Variants in OSBPL1A observed in about 807,000 individuals in gnomAD.
OSBPL1A encodes the protein oxysterol binding protein like 1A, also known as oxysterol-binding protein-related protein 1.
Under a neutral mutation model 137.1 loss-of-function variants are expected in OSBPL1A, and 80 were observed. That is an observed-to-expected ratio of 0.58 (90% CI 0.49 to 0.70). OSBPL1A has a LOEUF of 0.70. Among genes scored for constraint, OSBPL1A ranks in the 30% least tolerant of loss-of-function variants. The pLI is 0.00. For synonymous variants in OSBPL1A, 365 were observed against 389.7 expected (o/e 0.94, Z 0.75); for missense variants, 970 against 1,129.4 (o/e 0.86, Z 2.02).
At chr18:24,285,622 C>T (rs1227428664) in intron 14 of OSBPL1A, among the ~76,000 whole-genome samples, 2 of 152,070 alleles carry the variant, frequency 1.3e-5, no homozygotes, top group Non-Finnish European at 2.9e-5. Context: ...CATCCTTACC[C>T]TTCTGGTAAT....
intron 18 of OSBPL1A, among the ~76,000 whole-genome samples, chr18:24,186,992 TCCACCTTACA>T (rs2086765767): frequency 6.6e-6 from 1 of 150,884 alleles, no homozygotes; most frequent in African/African-American, 2.5e-5. Context: ...CAGCAGCTGG[TCCACCTTACA>T]ATACACACAT....
chr18:24,258,788 T>C (rs1291138624), intron 15 of OSBPL1A, among the ~76,000 whole-genome samples: 1 of 152,112 alleles, frequency 6.6e-6, no homozygotes, highest in Non-Finnish European at 1.5e-5. Flanking sequence ...CTCATAGTGG[T>C]AGATATTAAA....
At chr18:24,353,930 A>AG (rs1199224715) in intron 4 of OSBPL1A, among the ~76,000 whole-genome samples, 3 of 78,888 alleles carry the variant, frequency 3.8e-5, no homozygotes, top group Non-Finnish European at 7.2e-5. Flanking sequence ...GGGTGGGGGG[A>AG]GGGGGAGGGA....
chr18:24,320,352 C>G (rs1300249008), intron 7 of OSBPL1A, among the ~76,000 whole-genome samples: 1 of 152,150 alleles, frequency 6.6e-6, no homozygotes, highest in Admixed American at 6.5e-5. Flanking sequence ...TACGCCCAGA[C>G]TTTTTAAATA....
chr18:24,197,134 G>A (rs1567937923), intron 17 of OSBPL1A, among the ~76,000 whole-genome samples: 1 of 152,154 alleles, frequency 6.6e-6, no homozygotes, highest in Admixed American at 6.5e-5. Flanking sequence ...GATCACTGGA[G>A]CTCAGGAGTT....
chr18:24,340,410 C>T (rs1037072945), intron 5 of OSBPL1A, among the ~76,000 whole-genome samples: 4 of 152,146 alleles, frequency 2.6e-5, no homozygotes, highest in African/African-American at 7.2e-5. Flanking sequence ...CAGTGGCTCA[C>T]ACCTGTAATC....
intron 15 of OSBPL1A, among the ~76,000 whole-genome samples, chr18:24,267,887 A>G (rs1285911885): frequency 6.6e-6 from 1 of 150,674 alleles, no homozygotes; most frequent in Admixed American, 6.6e-5. Flanking sequence ...GAATCCTACC[A>G]TCTCAGCTTC....
intron 7 of OSBPL1A, among the ~76,000 whole-genome samples, chr18:24,329,156 A>T (rs1050524366): frequency 6.6e-6 from 1 of 152,172 alleles, no homozygotes; most frequent in African/African-American, 2.4e-5. Context: ...CTGAGGCAAA[A>T]GGGTCACTTG....
intron 2 of OSBPL1A, among the ~76,000 whole-genome samples, chr18:24,375,602 G>A (rs1255525507): frequency 2.0e-5 from 3 of 151,806 alleles, no homozygotes; most frequent in East Asian, 1.9e-4. Flanking sequence ...TCTTAGAATC[G>A]TCTCCTCCAA....
intron 15 of OSBPL1A, among the ~76,000 whole-genome samples, chr18:24,267,207 T>A (rs2089600661): frequency 6.7e-6 from 1 of 149,092 alleles, no homozygotes; most frequent in Non-Finnish European, 1.5e-5. Flanking sequence ...TTTCAAAACT[T>A]AAAAGAATTC....
At chr18:24,358,280 G>A (rs370285850) in intron 4 of OSBPL1A, 15 of 581,018 alleles carry the variant, frequency 2.6e-5, no homozygotes, top group East Asian at 1.4e-4. Context: ...GACTGTCCCA[G>A]TGTATAAAGG....
intron 17 of OSBPL1A, among the ~76,000 whole-genome samples, chr18:24,217,389 T>C (rs2087741381): frequency 1.3e-5 from 2 of 151,706 alleles, no homozygotes; most frequent in African/African-American, 2.4e-5. Context: ...TCCCGTGTAG[T>C]TGAGATTACA....
intron 17 of OSBPL1A, among the ~76,000 whole-genome samples, chr18:24,218,975 A>G (rs1423323820): frequency 1.3e-5 from 2 of 152,170 alleles, no homozygotes; most frequent in African/African-American, 4.8e-5. Flanking sequence ...AAATAAAGAT[A>G]AAATGGTATA....
intron 16 of OSBPL1A, among the ~76,000 whole-genome samples, chr18:24,235,747 G>A (rs556593709): frequency 1.3e-5 from 2 of 152,308 alleles, no homozygotes; most frequent in East Asian, 3.9e-4. Context: ...TAAATTTGGG[G>A]ACTGTGGCAG....
At chr18:24,250,635 G>A (rs1471443115) in intron 15 of OSBPL1A, among the ~76,000 whole-genome samples, 2 of 152,222 alleles carry the variant, frequency 1.3e-5, no homozygotes, top group African/African-American at 4.8e-5. Context: ...GGCCTTGGGT[G>A]AGCCTCAGAG....
chr18:24,289,420 T>G (rs2090134487), intron 14 of OSBPL1A, among the ~76,000 whole-genome samples: 1 of 98,156 alleles, frequency 1.0e-5, no homozygotes, highest in East Asian at 3.2e-4. Context: ...TTTTTCCTGT[T>G]TTTTTTTTTT....
intron 15 of OSBPL1A, among the ~76,000 whole-genome samples, chr18:24,252,635 T>C (rs2089131887): frequency 6.6e-6 from 1 of 152,112 alleles, no homozygotes; most frequent in Admixed American, 6.6e-5. Flanking sequence ...CATCTGAAGG[T>C]ACAAAACTTG....
intron 15 of OSBPL1A, among the ~76,000 whole-genome samples, chr18:24,270,254 T>C (rs913390951): frequency 2.0e-5 from 3 of 152,244 alleles, no homozygotes; most frequent in Admixed American, 2.0e-4. Flanking sequence ...GGAGCTTAGA[T>C]TATGATGTTG....
chr18:24,188,468 T>A (rs1385179905), intron 18 of OSBPL1A, among the ~76,000 whole-genome samples: 1 of 152,240 alleles, frequency 6.6e-6, no homozygotes, highest in Non-Finnish European at 1.5e-5. Context: ...TATTTTTTAA[T>A]CATTTGAAAA....
Sources: gnomAD v4.1 joint callset for allele counts (sites outside exome capture counted in the v4.1 genomes callset) on GRCh38, gnomAD v4.1.1 for gene constraint, MANE v1.5 for transcripts, NCBI Gene and HGNC (gene_info 2026-07-23, HGNC 2026-07-21) for gene names.